Variants in GPC4 observed in about 807,000 individuals in gnomAD.
GPC4 encodes glypican 4, also known as glypican-4.
A neutral mutation model predicts 35.0 loss-of-function variants in GPC4; 10 were observed. The observed-to-expected ratio is 0.29, with a 90% confidence interval of 0.18 to 0.48. The LOEUF is 0.48. Ranked by LOEUF, GPC4 falls within the 20% of genes least tolerant of loss-of-function variation. The pLI, the probability that GPC4 is intolerant of heterozygous loss-of-function variation, is 0.99. For synonymous variants in GPC4, 167 were observed against 170.2 expected, an observed-to-expected ratio of 0.98 and a Z score of 0.15; for missense variants, 322 against 451.3, an observed-to-expected ratio of 0.71 and a Z score of 2.60.
intron 1 of GPC4, among the ~76,000 whole-genome samples, chrX:133,346,625 CA>C (rs1226536666): frequency 1.8e-5 from 2 of 111,694 alleles, no homozygotes; most frequent in Admixed American, 9.5e-5. Context: ...AAGGTGTATG[CA>C]AATGTTCATA....
chrX:133,413,042 C>T (rs977953429), intron 1 of GPC4, among the ~76,000 whole-genome samples: 3 of 112,926 alleles, frequency 2.7e-5, no homozygotes, highest in Non-Finnish European at 3.7e-5. Flanking sequence ...CAATCATCTC[C>T]GCTGTGCCCA....
At chrX:133,388,664 GTTTTTGTA>G (rs1382946354) in intron 1 of GPC4, among the ~76,000 whole-genome samples, 1 of 110,017 alleles carries the variant, frequency 9.1e-6, no homozygotes, top group Non-Finnish European at 1.9e-5. Context: ...GCCTGGCTAA[GTTTTTGTA>G]TTTTTAGTAG....
At chrX:133,392,889 C>T (rs145127973) in intron 1 of GPC4, among the ~76,000 whole-genome samples, 1,555 of 110,653 alleles carry the variant, frequency 0.014, 35 homozygotes, top group African/African-American at 0.049. Flanking sequence ...CTTTCCAGGA[C>T]CCGTTGAAAG....
At position 133,415,469 on chromosome X, in the gene GPC4, C is replaced by T. The variant is rs761286858; in HGVS notation, c.-504G>A. On this transcript the variant is annotated 5_prime_UTR_variant, in exon 1 of 9. Coordinates refer to ENST00000370828, the MANE Select transcript of GPC4 (RefSeq NM_001448.3). ...CTCCGCCGCGCGGCTGTGCCCTTCT[C>T]AGCTCTGCCGCTGATTGACTGGCCG... is the stretch of plus-strand genomic sequence containing the variant. 5 of 110,591 alleles carry T rather than the reference C, an allele frequency of 4.5e-5. No homozygotes were observed. The highest frequency in any genetic ancestry group is 1.7e-4 in the African/African-American group (5 of 30,266). The allele number at this position is 110,591 out of a possible 1,213,427, so 9.1% of individuals were successfully genotyped here.
At position 133,303,348 on chromosome X, in the gene GPC4, T is replaced by C; in HGVS notation, c.1293-7A>G. 8.3e-7 allele frequency: 1 copy of C among 1,199,016 alleles called. No homozygotes were observed. The highest frequency in any genetic ancestry group is 3.0e-5 in the East Asian group (1 of 33,732). On this transcript the variant is annotated splice_region_variant and splice_polypyrimidine_tract_variant and intron_variant, in intron 7 of 8. Coordinates refer to ENST00000370828, the MANE Select transcript of GPC4 (RefSeq NM_001448.3). ...TGTCACTGCAAACAGGTACCTGGAA[T>C]GTAAAATGACCCCAGTAAGATGATT...
chrX:133,323,339 G>A (rs1206845706), intron 3 of GPC4, among the ~76,000 whole-genome samples: 1 of 111,302 alleles, frequency 9.0e-6, no homozygotes, highest in African/African-American at 3.3e-5. Context: ...AATTAGCCAG[G>A]CGTGCTGGCA....
intron 3 of GPC4, among the ~76,000 whole-genome samples, chrX:133,323,509 ATCTAG>A (rs2068376336): frequency 8.9e-6 from 1 of 112,216 alleles, no homozygotes; most frequent in Admixed American, 9.4e-5. Context: ...AACACAGTCT[ATCTAG>A]TCCAATTCGC....
chrX:133,357,538 C>T (rs2068547286), intron 1 of GPC4, among the ~76,000 whole-genome samples: 1 of 109,994 alleles, frequency 9.1e-6, no homozygotes, highest in Non-Finnish European at 1.9e-5. Context: ...CAGGTATGCA[C>T]CATCACATCT....
intron 1 of GPC4, among the ~76,000 whole-genome samples, chrX:133,354,470 TGAAA>T (rs902887094): frequency 4.5e-5 from 5 of 112,342 alleles, no homozygotes; most frequent in African/African-American, 1.6e-4. Flanking sequence ...ACCAGAAGTA[TGAAA>T]GAACAGAGAA....
At chrX:133,341,015 TGTGTAATCAA>T (rs909054199) in intron 1 of GPC4, among the ~76,000 whole-genome samples, 3 of 112,072 alleles carry the variant, frequency 2.7e-5, no homozygotes, top group Admixed American at 1.9e-4. Context: ...AAAAAAAGGT[TGTGTAATCAA>T]GTTTAGAGCT....
chrX:133,340,104 A>T (rs1379719506), intron 1 of GPC4, among the ~76,000 whole-genome samples: 1 of 110,874 alleles, frequency 9.0e-6, no homozygotes, highest in Non-Finnish European at 1.9e-5. Context: ...AATGTCAAAG[A>T]CACATCACTC....
chrX:133,401,901 T>C (rs2068768879), intron 1 of GPC4, among the ~76,000 whole-genome samples: 1 of 112,514 alleles, frequency 8.9e-6, no homozygotes, highest in African/African-American at 3.2e-5. Context: ...TCCAACATCC[T>C]GGTGACAGGT....
intron 4 of GPC4, among the ~76,000 whole-genome samples, chrX:133,306,983 A>T (rs1287422103): frequency 8.9e-6 from 1 of 112,298 alleles, no homozygotes; most frequent in African/African-American, 3.2e-5. Flanking sequence ...TATGTTTCTT[A>T]GGATTATGAG....
At chrX:133,337,892 A>G (rs2068451319) in intron 2 of GPC4, among the ~76,000 whole-genome samples, 2 of 110,487 alleles carry the variant, frequency 1.8e-5, no homozygotes, top group African/African-American at 6.6e-5. Context: ...GGGTAATAAG[A>G]AGGATATACA....
At chrX:133,326,687 G>A (rs898027345) in intron 2 of GPC4, among the ~76,000 whole-genome samples, 2 of 112,494 alleles carry the variant, frequency 1.8e-5, no homozygotes, top group East Asian at 5.6e-4. Flanking sequence ...AAGCATTAAT[G>A]TTTTAATTAA....
chrX:133,386,605 CAGAAATCTGTCTATTCAG>C (rs1474615350), intron 1 of GPC4, among the ~76,000 whole-genome samples: 1 of 111,487 alleles, frequency 9.0e-6, no homozygotes, highest in Non-Finnish European at 1.9e-5. Context: ...GCTATTAAGT[CAGAAATCTGTCTATTCAG>C]ATGCCCCCTG....
chrX:133,331,670 G>T (rs1207394101), intron 2 of GPC4, among the ~76,000 whole-genome samples: 1 of 109,394 alleles, frequency 9.1e-6, no homozygotes, highest in Non-Finnish European at 1.9e-5. Context: ...TACTTGGGAG[G>T]CTGAGGCATG....
chrX:133,307,237 C>T (rs1187927161), intron 4 of GPC4, among the ~76,000 whole-genome samples: 3 of 111,657 alleles, frequency 2.7e-5, no homozygotes, highest in Non-Finnish European at 5.6e-5. Context: ...AGATTGTGTC[C>T]TACCCAAAGA....
chrX:133,357,077 T>A (rs1439726424), intron 1 of GPC4, among the ~76,000 whole-genome samples: 1 of 111,024 alleles, frequency 9.0e-6, no homozygotes, highest in Non-Finnish European at 1.9e-5. Context: ...CTAAGTTCTT[T>A]CTTAATTAAA....
Sources: gnomAD v4.1 joint callset for allele counts (sites outside exome capture counted in the v4.1 genomes callset) on GRCh38, gnomAD v4.1.1 for gene constraint, MANE v1.5 for transcripts, NCBI Gene and HGNC (gene_info 2026-07-23, HGNC 2026-07-21) for gene names.